Variants in LRP1B observed in about 807,000 individuals in gnomAD.
The protein encoded by LRP1B is LDL receptor related protein 1B, also known as low-density lipoprotein receptor-related protein 1B.
In LRP1B, 217 loss-of-function variants were observed where a neutral mutation model predicts 556.6. The ratio of observed to expected loss-of-function variants is 0.39; its 90% CI spans 0.35 to 0.44. LRP1B has a LOEUF of 0.44. Ranked by LOEUF, LRP1B falls within the 20% of genes least tolerant of loss-of-function variation. The pLI, the probability that LRP1B is intolerant of heterozygous loss-of-function variation, is 1.00. For missense variants in LRP1B, 5,053 were observed against 5,620.8 expected, an observed-to-expected ratio of 0.90 and a Z score of 3.23; for synonymous variants, 2,047 against 1,865.8, an observed-to-expected ratio of 1.10 and a Z score of -2.50.
At chr2:140,642,721 G>A (rs184681069) in intron 41 of LRP1B, among the ~76,000 whole-genome samples, 2 of 152,256 alleles carry the variant, frequency 1.3e-5, no homozygotes, top group East Asian at 3.9e-4. Context: ...GCGGGCGCCT[G>A]TAGTCCCAGC....
intron 1 of LRP1B, among the ~76,000 whole-genome samples, chr2:141,868,292 TG>T (rs1698479128): frequency 6.6e-6 from 1 of 152,088 alleles, no homozygotes; most frequent in African/African-American, 2.4e-5. Context: ...GCAACTGGAT[TG>T]CCAATCCCAC....
chr2:141,162,793 A>ATG (rs1383429331), intron 7 of LRP1B, among the ~76,000 whole-genome samples: 1 of 152,128 alleles, frequency 6.6e-6, no homozygotes, highest in African/African-American at 2.4e-5. Context: ...AAGTTCACAA[A>ATG]ATATATTAAC....
intron 3 of LRP1B, among the ~76,000 whole-genome samples, chr2:141,406,382 C>T (rs1690633726): frequency 6.6e-6 from 1 of 151,966 alleles, no homozygotes; most frequent in South Asian, 2.1e-4. Flanking sequence ...GTTGGGATAA[C>T]ATAAACTGGG....
At chr2:141,915,930 C>T (rs147697288) in intron 1 of LRP1B, among the ~76,000 whole-genome samples, 128 of 152,260 alleles carry the variant, frequency 8.4e-4, no homozygotes, top group African/African-American at 3.0e-3. Flanking sequence ...CTAAAAATAA[C>T]AGATCCTGGC....
intron 90 of LRP1B, among the ~76,000 whole-genome samples, chr2:140,233,847 TCAAA>T (rs924838010): frequency 2.6e-5 from 4 of 151,308 alleles, no homozygotes; most frequent in East Asian, 2.0e-4. Context: ...TATTTTTGCC[TCAAA>T]CAACCTGTGT....
rs1047890476 is a variant in LRP1B, at chr2:140,473,699, A to AAT, written c.9625+1437_9625+1438dup. 9.9e-5 allele frequency among the ~76,000 whole-genome samples: 15 copies of AAT among 151,944 alleles called. No individual in the cohort carries two copies. In the East Asian group the frequency reaches 2.5e-3, roughly 25 times the overall value. ...TTTAAATAGTCACCTACCTAATAACAATATATATATAAATTTTGTTGTACA... is the reference window on the plus strand; with the variant it reads ...TTTAAATAGTCACCTACCTAATAACAATATATATATATAAATTTTGTTGTACA... On this transcript the variant is annotated intron_variant, in intron 60 of 90. Coordinates refer to ENST00000389484, the MANE Select transcript of LRP1B (RefSeq NM_018557.3).
intron 18 of LRP1B, among the ~76,000 whole-genome samples, chr2:140,976,311 T>C (rs1483982223): frequency 6.6e-6 from 1 of 151,900 alleles, no homozygotes; most frequent in African/African-American, 2.4e-5. Context: ...TCCTCTCTTT[T>C]CTCTTTTCTT....
At chr2:140,613,698 CA>C (rs777210007) in intron 41 of LRP1B, among the ~76,000 whole-genome samples, 5 of 151,816 alleles carry the variant, frequency 3.3e-5, no homozygotes, top group African/African-American at 7.3e-5. Context: ...AAGACTTAAG[CA>C]CTAACATAAT....
At chr2:141,198,884 A>G (rs1391221921) in intron 6 of LRP1B, among the ~76,000 whole-genome samples, 1 of 152,148 alleles carries the variant, frequency 6.6e-6, no homozygotes, top group African/African-American at 2.4e-5. Context: ...TATTCAATCT[A>G]TCAATAAATC....
chr2:141,282,297 C>A (rs936799479), intron 3 of LRP1B, among the ~76,000 whole-genome samples: 3 of 151,810 alleles, frequency 2.0e-5, no homozygotes, highest in Non-Finnish European at 2.9e-5. Flanking sequence ...GATAAATGAG[C>A]TTTATATTTT....
intron 1 of LRP1B, among the ~76,000 whole-genome samples, chr2:141,938,853 T>C (rs1052710827): frequency 2.6e-5 from 4 of 152,034 alleles, no homozygotes; most frequent in African/African-American, 7.2e-5. Flanking sequence ...TGACAACATA[T>C]ATGAATCTGG....
chr2:140,380,909 A>G (rs1683443361), intron 67 of LRP1B, among the ~76,000 whole-genome samples: 1 of 152,232 alleles, frequency 6.6e-6, no homozygotes, highest in South Asian at 2.1e-4. Context: ...TTCTGCTTCA[A>G]AATGGCAGTA....
At chr2:140,854,162 AG>A (rs1380527046) in intron 27 of LRP1B, among the ~76,000 whole-genome samples, 1 of 152,116 alleles carries the variant, frequency 6.6e-6, no homozygotes, top group African/African-American at 2.4e-5. Context: ...ACACTAGCAT[AG>A]GAAATGCTAT....
Position 141,681,212 on chromosome 2 carries a change from G to T in LRP1B, c.205+129067C>A, listed in dbSNP as rs1221715866. Among the ~76,000 whole-genome samples, 3 of 151,994 alleles carry T rather than the reference G, an allele frequency of 2.0e-5. No individual in the cohort carries two copies. The East Asian group carries it at 5.8e-4, about 29-fold the overall frequency. ...GAGGCTGAGGTGGGAGGATTTTTTT[G>T]TGCCAAGGAGGTTGAGGCTGCTGTG... On this transcript the variant is annotated intron_variant, in intron 2 of 90. Coordinates refer to ENST00000389484, the MANE Select transcript of LRP1B (RefSeq NM_018557.3).
rs201489208 is a variant in LRP1B, at chr2:140,334,435, G to A, written c.12223+18C>T. ...TTGTCATTCTGCTTCATATTTTAGCGTGTGTCAGAAATCATACCTGTGGGT... is the reference window on the plus strand; with the variant it reads ...TTGTCATTCTGCTTCATATTTTAGCATGTGTCAGAAATCATACCTGTGGGT... On this transcript the variant is annotated intron_variant, in intron 79 of 90. Coordinates refer to ENST00000389484, the MANE Select transcript of LRP1B (RefSeq NM_018557.3). 36 of 1,417,152 alleles carry A rather than the reference G, an allele frequency of 2.5e-5. 2 individuals are homozygous for A. Among genetic ancestry groups the A allele is most frequent in the Middle Eastern group, 1.8e-4 (1 of 5,670 alleles). 87.8% of individuals were successfully genotyped at this position (1,417,152 alleles called of 1,614,324 possible).
intron 7 of LRP1B, among the ~76,000 whole-genome samples, chr2:141,091,034 C>T (rs1180596732): frequency 6.6e-6 from 1 of 152,128 alleles, no homozygotes; most frequent in Non-Finnish European, 1.5e-5. Context: ...GTCTGGAGGA[C>T]AGTAGTTAAC....
intron 2 of LRP1B, among the ~76,000 whole-genome samples, chr2:141,669,857 C>T (rs889710801): frequency 1.3e-5 from 2 of 152,074 alleles, no homozygotes; most frequent in Non-Finnish European, 2.9e-5. Context: ...CAGACTCAAG[C>T]GATTCTCTTG....
intron 3 of LRP1B, among the ~76,000 whole-genome samples, chr2:141,381,364 A>G (rs1296420581): frequency 6.7e-6 from 1 of 149,660 alleles, no homozygotes; most frequent in Non-Finnish European, 1.5e-5. Flanking sequence ...CAGTCAAAAG[A>G]GAAAAAAAAA....
chr2:141,202,519 T>C (rs1184358514), intron 6 of LRP1B, among the ~76,000 whole-genome samples: 1 of 152,216 alleles, frequency 6.6e-6, no homozygotes, highest in East Asian at 1.9e-4. Context: ...TTGAACTAAT[T>C]AACACTCCCA....
Sources: allele counts gnomAD v4.1 joint callset (sites outside exome capture counted in the v4.1 genomes callset), GRCh38; gene constraint gnomAD v4.1.1; transcripts MANE v1.5; gene names NCBI Gene and HGNC (gene_info 2026-07-23, HGNC 2026-07-21).